Variants in RHBDL2 observed in about 807,000 individuals in gnomAD.
The protein encoded by RHBDL2 is rhomboid-related protein 2.
RHBDL2 carries 26 observed loss-of-function variants against 31.7 expected under a neutral mutation model. The ratio of observed to expected loss-of-function variants is 0.82; its 90% CI spans 0.60 to 1.14. The LOEUF (loss-of-function observed/expected upper bound fraction) is 1.14, where lower values mean the gene tolerates loss of function less well. RHBDL2 is among the 50% of genes most tolerant of loss of function. The pLI is 0.00. For synonymous variants in RHBDL2, 123 were observed against 127.2 expected (o/e 0.97, Z 0.22); for missense variants, 336 against 364.4 (o/e 0.92, Z 0.63).
intron 1 of RHBDL2, among the ~76,000 whole-genome samples, chr1:38,928,755 A>T (rs1643407470): frequency 6.6e-6 from 1 of 151,756 alleles, no homozygotes; most frequent in African/African-American, 2.4e-5. Flanking sequence ...CATGTAAAAA[A>T]AAAATTTTAA....
chr1:38,887,966 A>G lies in RHBDL2; in HGVS notation c.729T>C (p.Ser243=). 6.2e-7 allele frequency: 1 copy of G among 1,606,260 alleles called. No homozygotes were observed. Among genetic ancestry groups the G allele is most frequent in the Non-Finnish European group, 8.5e-7 (1 of 1,173,046 alleles). Residue 243 remains serine, a synonymous_variant, in exon 7 of 8, where the codon TCT becomes TCC. Coordinates refer to ENST00000372990, the MANE Select transcript of RHBDL2 (RefSeq NM_017821.5). ...YRRFFVPEDG[S]PVSFAAHIAG... Reference sequence around the variant, plus strand: ...AAAAGAAAGAAACTGAACTCACCGGAGACCCATCTTCAGGAACAAAGAACC... The same window carrying G: ...AAAAGAAAGAAACTGAACTCACCGGGGACCCATCTTCAGGAACAAAGAACC...
At chr1:38,887,310 G>A (rs776951862) in intron 7 of RHBDL2, among the ~76,000 whole-genome samples, 1 of 152,098 alleles carries the variant, frequency 6.6e-6, no homozygotes, top group Non-Finnish European at 1.5e-5. Flanking sequence ...CAACCTCTAG[G>A]ACTCAAGCAA....
chr1:38,908,713 G>A (rs1053805248), intron 4 of RHBDL2, among the ~76,000 whole-genome samples: 1 of 152,000 alleles, frequency 6.6e-6, no homozygotes, highest in African/African-American at 2.4e-5. Flanking sequence ...AGTGATCTAG[G>A]GGTGAATTTA....
At chr1:38,914,883 G>C (rs1053890679) in intron 3 of RHBDL2, among the ~76,000 whole-genome samples, 9 of 151,274 alleles carry the variant, frequency 5.9e-5, no homozygotes, top group African/African-American at 2.2e-4. Flanking sequence ...ATAAAAATTA[G>C]CCCGGCCTGG....
chr1:38,897,405 T>C (rs1016463108), intron 4 of RHBDL2, among the ~76,000 whole-genome samples: 10 of 152,062 alleles, frequency 6.6e-5, no homozygotes, highest in Admixed American at 6.6e-4. Flanking sequence ...CGGCCTAAAC[T>C]TTGAAGAATC....
At chr1:38,902,409 T>A (rs1252548749) in intron 4 of RHBDL2, among the ~76,000 whole-genome samples, 3 of 115,494 alleles carry the variant, frequency 2.6e-5, no homozygotes, top group Non-Finnish European at 5.1e-5. Flanking sequence ...ATTTTATTTT[T>A]TTATTTTTTT....
At chr1:38,924,402 G>A (rs931518395) in intron 1 of RHBDL2, among the ~76,000 whole-genome samples, 2 of 152,054 alleles carry the variant, frequency 1.3e-5, no homozygotes, top group African/African-American at 2.4e-5. Flanking sequence ...AGATCATCCT[G>A]GCTAACACAG....
chr1:38,929,383 A>T, intron 1 of RHBDL2: 2 of 1,288,040 alleles, frequency 1.6e-6, no homozygotes, highest in Non-Finnish European at 2.0e-6. Context: ...CAGAGGACTA[A>T]ATCAGGCTCA....
intron 1 of RHBDL2, among the ~76,000 whole-genome samples, chr1:38,921,396 A>T (rs1643313332): frequency 6.6e-6 from 1 of 152,176 alleles, no homozygotes; most frequent in East Asian, 1.9e-4. Context: ...AAAAGAAAAG[A>T]ACTGTATCTG....
At chr1:38,928,185 A>T (rs1039582924) in intron 1 of RHBDL2, among the ~76,000 whole-genome samples, 2 of 128,406 alleles carry the variant, frequency 1.6e-5, no homozygotes, top group Non-Finnish European at 1.5e-5. Context: ...TTTGTCGCCC[A>T]GGCTGGAATG....
chr1:38,933,696 T>C (rs187348605), intron 1 of RHBDL2, among the ~76,000 whole-genome samples: 30 of 151,834 alleles, frequency 2.0e-4, no homozygotes, highest in African/African-American at 7.0e-4. Flanking sequence ...CGGCGATGTT[T>C]ATCAGTGTCA....
At chr1:38,937,570 GC>G (rs1462132597) in intron 1 of RHBDL2, among the ~76,000 whole-genome samples, 1 of 152,034 alleles carries the variant, frequency 6.6e-6, no homozygotes, top group Non-Finnish European at 1.5e-5. Flanking sequence ...TGTTATCTGT[GC>G]CCCCGCATCC....
In RHBDL2 at chr1:38,904,760, G is replaced by A. The variant is rs1051662338; in HGVS notation, c.508+6562C>T. Reference sequence around the variant, plus strand: ...TTAAAAATAAAAATTGGCCGGGCGCGGTGGCTCACGCCTGTAATCCCAGCA... The same window carrying A: ...TTAAAAATAAAAATTGGCCGGGCGCAGTGGCTCACGCCTGTAATCCCAGCA... On this transcript the variant is annotated intron_variant, in intron 4 of 7. Transcript: ENST00000372990. 1.5e-3 allele frequency among the ~76,000 whole-genome samples: 229 copies of A among 149,750 alleles called. 1 individual carries two copies. The highest frequency in any genetic ancestry group is 5.0e-3 in the African/African-American group (206 of 41,176).
intron 2 of RHBDL2, among the ~76,000 whole-genome samples, chr1:38,918,052 A>C (rs1438460083): frequency 6.6e-6 from 1 of 152,194 alleles, no homozygotes; most frequent in Admixed American, 6.5e-5. Flanking sequence ...TTGAATGGCA[A>C]GTCTTCCCTG....
At chr1:38,889,602 T>C (rs1227497636) in intron 6 of RHBDL2, among the ~76,000 whole-genome samples, 3 of 152,146 alleles carry the variant, frequency 2.0e-5, no homozygotes, top group Non-Finnish European at 4.4e-5. Context: ...CATCGGGAGT[T>C]CTGAAGGTGT....
intron 1 of RHBDL2, among the ~76,000 whole-genome samples, chr1:38,929,824 C>G (rs968057602): frequency 6.6e-6 from 1 of 152,230 alleles, no homozygotes; most frequent in Non-Finnish European, 1.5e-5. Flanking sequence ...GCAGCAATCT[C>G]TCTGTGGTTA....
chr1:38,919,096 C>T lies in RHBDL2; in HGVS notation c.117G>A (p.Arg39=). 4 of 1,614,104 alleles carry T rather than the reference C, an allele frequency of 2.5e-6. No homozygotes were observed. The highest frequency in any genetic ancestry group is 1.3e-5 in the African/African-American group (1 of 75,012). The change falls in exon 2 of 8, where the codon CGG becomes CGA. Residue 39 remains arginine (R), a synonymous_variant. Coordinates refer to ENST00000372990, the MANE Select transcript of RHBDL2 (RefSeq NM_017821.5). ...KMREDGGGKD[R]AKSKKVHRIV... ...TCCTGTGGACCTTTTTACTCTTGGC[C>T]CGATCTTTACCTCCCCCATCCTCTC...
At chr1:38,926,190 G>A (rs1643372568) in intron 1 of RHBDL2, 1 of 1,091,612 alleles carries the variant, frequency 9.2e-7, no homozygotes, top group Admixed American at 4.6e-5. Flanking sequence ...TGAGGCTGGA[G>A]GTGAGGATGG....
intron 1 of RHBDL2, chr1:38,926,127 T>A: frequency 8.8e-6 from 10 of 1,141,046 alleles, no homozygotes; most frequent in Non-Finnish European, 1.1e-5. Flanking sequence ...CTTTTGCATG[T>A]CCCTAGGCAG....
Sources: allele counts gnomAD v4.1 joint callset (sites outside exome capture counted in the v4.1 genomes callset), GRCh38; gene constraint gnomAD v4.1.1; transcripts MANE v1.5; gene names NCBI Gene and HGNC (gene_info 2026-07-23, HGNC 2026-07-21).